The following SLC25A32 variants were observed in gnomAD, a reference collection of about 807,000 sequenced individuals.
The protein encoded by SLC25A32 is solute carrier family 25 member 32, also known as Glycine auxotroph B, complementation of hamster.
A neutral mutation model predicts 39.0 loss-of-function variants in SLC25A32; 32 were observed. The ratio of observed to expected loss-of-function variants is 0.82; its 90% CI spans 0.62 to 1.10. The LOEUF is 1.10. Ranked by LOEUF, SLC25A32 falls within the 50% of genes least tolerant of loss-of-function variation. The pLI, the probability that SLC25A32 is intolerant of heterozygous loss-of-function variation, is 0.00. For missense variants in SLC25A32, 367 were observed against 395.3 expected, an observed-to-expected ratio of 0.93 and a Z score of 0.61; for synonymous variants, 166 against 152.4, an observed-to-expected ratio of 1.09 and a Z score of -0.66.
intron 1 of SLC25A32, among the ~76,000 whole-genome samples, chr8:103,413,381 C>T (rs3134291): frequency 0.46 from 69,547 of 151,950 alleles, 15,987 homozygotes; most frequent in African/African-American, 0.49. Context: ...AGAGGTAATA[C>T]GGTGAGGGGT....
At position 103,407,781 on chromosome 8, in the gene SLC25A32, C is replaced by T. The variant is rs565135379; in HGVS notation, c.158G>A (p.Ser53Asn). ...TTTCGGTCTCAGTTCCAATCCATCA[C>T]TCACTGCATCAAGGGATACACAAAG... ...LDLVKIRFAV[S>N]DGLELRPKYN... Residue 53 changes from serine to asparagine, a missense_variant, in exon 2 of 7, where the codon AGT becomes AAT. Coordinates refer to ENST00000297578, the MANE Select transcript of SLC25A32 (RefSeq NM_030780.5). 2.6e-5 allele frequency: 42 copies of T among 1,612,630 alleles called. No individual in the cohort carries two copies. The highest frequency in any genetic ancestry group is 3.6e-5 in the Non-Finnish European group (42 of 1,179,292).
chr8:103,406,304 G>A (rs1816332020), intron 2 of SLC25A32, among the ~76,000 whole-genome samples: 1 of 151,978 alleles, frequency 6.6e-6, no homozygotes, highest in Admixed American at 6.6e-5. Context: ...TAAACTTATG[G>A]GAGATCAAGC....
In SLC25A32 at chr8:103,405,282, G is replaced by T. The variant is rs537438357; in HGVS notation, c.306-421C>A. 6.0e-4 allele frequency among the ~76,000 whole-genome samples: 92 copies of T among 152,210 alleles called. 1 individual carries two copies. Among genetic ancestry groups the T allele is most frequent in the African/African-American group, 1.9e-3 (80 of 41,528 alleles). Reference sequence around the variant, plus strand: ...GATGATAAAAAGATAAACAAGTGATGAATTTTTCTTAACAAATTAATAAGG... The same window carrying T: ...GATGATAAAAAGATAAACAAGTGATTAATTTTTCTTAACAAATTAATAAGG... On this transcript the variant is annotated intron_variant, in intron 2 of 6. Coordinates refer to ENST00000297578, the MANE Select transcript of SLC25A32 (RefSeq NM_030780.5).
chr8:103,411,044 A>G (rs1816453389), intron 1 of SLC25A32, among the ~76,000 whole-genome samples: 1 of 152,220 alleles, frequency 6.6e-6, no homozygotes, highest in African/African-American at 2.4e-5. Context: ...GATTGCCAGT[A>G]TCTTTTCTTT....
chr8:103,407,442 A>C (rs1363196863), intron 2 of SLC25A32, among the ~76,000 whole-genome samples, 192 bp downstream of exon 2: 1 of 151,936 alleles, frequency 6.6e-6, no homozygotes, highest in African/African-American at 2.4e-5. Context: ...GGCATCTGAT[A>C]ATCAAACTAA....
At chr8:103,414,618 G>T in intron 1 of SLC25A32, 166 bp downstream of exon 1, 1 of 943,214 alleles carries the variant, frequency 1.1e-6, no homozygotes, top group Non-Finnish European at 1.6e-6. Flanking sequence ...ATCGCAGGCC[G>T]ACCCCTCCAC....
intron 1 of SLC25A32, among the ~76,000 whole-genome samples, chr8:103,409,684 T>G (rs1255780212): frequency 1.3e-5 from 2 of 152,148 alleles, no homozygotes; most frequent in Non-Finnish European, 2.9e-5. Context: ...CTGTGTATAA[T>G]CCAGCCTGGC....
intron 1 of SLC25A32, among the ~76,000 whole-genome samples, chr8:103,411,947 T>C: frequency 6.6e-6 from 1 of 152,222 alleles, no homozygotes; most frequent in East Asian, 1.9e-4. Context: ...GGTTTCAAAC[T>C]AACAGCATAT....
At chr8:103,413,439 G>A (rs766020176) in intron 1 of SLC25A32, among the ~76,000 whole-genome samples, 1 of 152,212 alleles carries the variant, frequency 6.6e-6, no homozygotes, top group Non-Finnish European at 1.5e-5. Context: ...TTAAATCCCA[G>A]ATCCATCTTT....
Position 103,414,913 on chromosome 8 carries a change from A to G in SLC25A32, c.25T>C (p.Ser9Pro). 1 of 1,609,740 alleles carries G rather than the reference A, an allele frequency of 6.2e-7. No homozygotes were observed. Among genetic ancestry groups the G allele is most frequent in the Non-Finnish European group, 8.5e-7 (1 of 1,178,496 alleles). ...ACCGTGCTCCACGCCGACGACCCGG[A>G]CGCCGACTGGCCCTGGCCCGTCATA... is the stretch of plus-strand genomic sequence containing the variant. MTGQGQSA[S>P]GSSAWSTVFR... The change falls in exon 1 of 7, where the codon TCC becomes CCC. Residue 9 changes from serine (S) to proline (P), a missense_variant. Coordinates refer to ENST00000297578, the MANE Select transcript of SLC25A32 (RefSeq NM_030780.5).
intron 6 of SLC25A32, 21 bp from the exon 7 acceptor site, chr8:103,400,567 A>G: frequency 6.2e-7 from 1 of 1,612,692 alleles, no homozygotes; most frequent in Non-Finnish European, 8.5e-7. Flanking sequence ...AAAAATAGAT[A>G]ATGCTTAATT....
intron 2 of SLC25A32, among the ~76,000 whole-genome samples, chr8:103,406,139 CACAT>C (rs2130444942): frequency 6.6e-6 from 1 of 151,554 alleles, no homozygotes; most frequent in South Asian, 2.1e-4. Context: ...ATTCTATACA[CACAT>C]ATATATGTCA....
intron 1 of SLC25A32, among the ~76,000 whole-genome samples, chr8:103,410,823 A>AT (rs1293115851): frequency 3.9e-5 from 6 of 152,200 alleles, no homozygotes; most frequent in Non-Finnish European, 8.8e-5. Flanking sequence ...TTTTAAATTC[A>AT]TTTTCAAAGA....
intron 1 of SLC25A32, 50 bp from the exon 2 acceptor site, chr8:103,407,834 T>A: frequency 6.6e-7 from 1 of 1,526,594 alleles, no homozygotes; most frequent in Non-Finnish European, 9.0e-7. Context: ...TCTAGCTCTG[T>A]ATCACATATA....
intron 2 of SLC25A32, among the ~76,000 whole-genome samples, chr8:103,405,162 G>A (rs566597164): frequency 3.3e-5 from 5 of 152,134 alleles, no homozygotes; most frequent in Admixed American, 3.3e-4. Context: ...GTGGTACACA[G>A]ACTGGCCATA....
Position 103,398,860 on chromosome 8 carries a change from C to T in SLC25A32, c.*1551G>A, listed in dbSNP as rs946539509. On this transcript the variant is annotated 3_prime_UTR_variant, in exon 7 of 7. Coordinates refer to ENST00000297578, the MANE Select transcript of SLC25A32 (RefSeq NM_030780.5). ...TTCATCTGCATGTTATAAGATATTA[C>T]AGTAAATACAATTAGGTACTTACCA... 6.6e-6 allele frequency: 1 copy of T among 151,936 alleles called. No homozygotes were observed. The highest frequency in any genetic ancestry group is 2.4e-5 in the African/African-American group (1 of 41,318). 9.4% of individuals were successfully genotyped at this position (151,936 alleles called of 1,614,324 possible).
At chr8:103,402,263 A>G in intron 4 of SLC25A32, 1 of 418,552 alleles carries the variant, frequency 2.4e-6, no homozygotes, top group Non-Finnish European at 4.3e-6. Flanking sequence ...AAAGGTTTGG[A>G]TGTTCACATA....
chr8:103,408,710 TAG>T (rs991560510), intron 1 of SLC25A32, among the ~76,000 whole-genome samples: 5 of 152,224 alleles, frequency 3.3e-5, no homozygotes, highest in Non-Finnish European at 1.5e-5. Context: ...CTGCTCTTAC[TAG>T]AGTGTTCCAT....
At chr8:103,411,516 A>G in intron 1 of SLC25A32, among the ~76,000 whole-genome samples, 1 of 151,994 alleles carries the variant, frequency 6.6e-6, no homozygotes, top group Admixed American at 6.6e-5. Flanking sequence ...CTTCAAAGGC[A>G]CTTTGGAGTT....
Sources: allele counts gnomAD v4.1 joint callset (sites outside exome capture counted in the v4.1 genomes callset), GRCh38; gene constraint gnomAD v4.1.1; transcripts MANE v1.5; gene names NCBI Gene and HGNC (gene_info 2026-07-23, HGNC 2026-07-21).